The following GRIN2D variants were observed in gnomAD, a reference collection of about 807,000 sequenced individuals.
GRIN2D encodes the protein glutamate receptor ionotropic, NMDA 2D.
In GRIN2D, 37 loss-of-function variants were observed where a neutral mutation model predicts 103.2. That is an observed-to-expected ratio of 0.36 (90% CI 0.28 to 0.47). The LOEUF is 0.47. Ranked by LOEUF, GRIN2D falls within the 20% of genes least tolerant of loss-of-function variation. The pLI is 1.00. For synonymous variants in GRIN2D, 845 were observed against 885.6 expected (o/e 0.95, Z 0.81); for missense variants, 1,557 against 1,910.6 (o/e 0.81, Z 3.45).
At chr19:48,413,661 C>CAA (rs11368422) in intron 4 of GRIN2D, among the ~76,000 whole-genome samples, 986 of 56,608 alleles carry the variant, frequency 0.017, 82 homozygotes, top group African/African-American at 0.042. Flanking sequence ...GACTCTGTCT[C>CAA]AAAAAAAAAA....
At position 48,442,982 on chromosome 19, in the gene GRIN2D, C is replaced by A. The variant is rs929240804; in HGVS notation, c.3056C>A (p.Pro1019His). ...GTACGCGACAAGGAGCCAGCCGAGC[C>A]CCCCGCCGGCGCCTTCCCCGGCTTC... ...AIVRDKEPAE[P>H]PAGAFPGFPS... is the part of the protein sequence containing the mutation. Residue 1019 changes from proline (P) to histidine (H), a missense_variant, in exon 14 of 14, where the codon CCC becomes CAC. Coordinates refer to ENST00000263269, the MANE Select transcript of GRIN2D (RefSeq NM_000836.4). The surrounding 1 kb of genome is among the most constrained non-coding windows in gnomAD (Gnocchi z 7.2). 7 of 1,115,892 alleles carry A rather than the reference C, an allele frequency of 6.3e-6. No homozygotes were observed. In the African/African-American group the frequency reaches 1.0e-4, roughly 16 times the overall value. 69.1% of individuals were successfully genotyped at this position (1,115,892 alleles called of 1,614,324 possible).
chr19:48,442,935 G>A lies in GRIN2D; in HGVS notation c.3009G>A (p.Pro1003=). 1 of 1,139,366 alleles carries A rather than the reference G, an allele frequency of 8.8e-7. No homozygotes were observed. The highest frequency in any genetic ancestry group is 3.9e-5 in the Admixed American group (1 of 25,420). The allele number at this position is 1,139,366 out of a possible 1,614,324, so 70.6% of individuals were successfully genotyped here. A position where few individuals can be genotyped will look rare whatever the true frequency, so the allele number is the denominator to read the frequency against. The change falls in exon 14 of 14, where the codon CCG becomes CCA. Residue 1003 remains proline (P), a synonymous_variant. Transcript: ENST00000263269. The surrounding 1 kb of genome is among the most constrained non-coding windows in gnomAD (Gnocchi z 7.2). ...SPPAAQPPQK[P]PPSYFAIVRD... is the part of the protein sequence containing the mutation. ...CGGCCGCTCAGCCCCCGCAGAAGCCGCCGCCCTCCTATTTCGCCATCGTAC... is the reference window on the plus strand; with the variant it reads ...CGGCCGCTCAGCCCCCGCAGAAGCCACCGCCCTCCTATTTCGCCATCGTAC...
At chr19:48,415,925 G>C in intron 7 of GRIN2D, 77 bp from the exon 8 acceptor site, 3 of 1,369,350 alleles carry the variant, frequency 2.2e-6, no homozygotes, top group Non-Finnish European at 3.1e-6. Context: ...CCCGGGGCCC[G>C]TCTCTGCTCG....
At chr19:48,406,634 G>A (rs1970795033) in intron 4 of GRIN2D, among the ~76,000 whole-genome samples, 3 of 152,170 alleles carry the variant, frequency 2.0e-5, no homozygotes, top group African/African-American at 2.4e-5. Flanking sequence ...CATGCTGGGC[G>A]CTGGGAACAT....
chr19:48,405,619 G>A lies in GRIN2D; in HGVS notation c.1085+266G>A, dbSNP rs1970783038. Among the ~76,000 whole-genome samples, 2 of 152,194 alleles carry A rather than the reference G, an allele frequency of 1.3e-5. No individual in the cohort carries two copies. The highest frequency in any genetic ancestry group is 2.1e-4 in the South Asian group (1 of 4,830). ...ATTTTAATGTCTTTGAAAACGAGAT[G>A]TGTCTTATAATTGATGACTTATCAT... is the stretch of plus-strand genomic sequence containing the variant. On this transcript the variant is annotated intron_variant, in intron 4 of 13. Coordinates refer to ENST00000263269, the MANE Select transcript of GRIN2D (RefSeq NM_000836.4). The surrounding 1 kb of genome is among the most constrained non-coding windows in gnomAD (Gnocchi z 5.1).
At chr19:48,426,542 A>C (rs529001566) in intron 11 of GRIN2D, among the ~76,000 whole-genome samples, 3 of 150,160 alleles carry the variant, frequency 2.0e-5, no homozygotes, top group South Asian at 4.2e-4. Context: ...TCTCTTTTTT[A>C]AACATGTGTA....
intron 2 of GRIN2D, among the ~76,000 whole-genome samples, chr19:48,397,201 G>A (rs1257152827): frequency 6.6e-6 from 1 of 152,112 alleles, no homozygotes; most frequent in Non-Finnish European, 1.5e-5. Flanking sequence ...GGACTAAGGG[G>A]ACAAAATGGG....
intron 4 of GRIN2D, among the ~76,000 whole-genome samples, chr19:48,407,774 A>G (rs922012364): frequency 3.3e-5 from 5 of 152,236 alleles, no homozygotes; most frequent in Admixed American, 1.3e-4. Flanking sequence ...GGAAATATCA[A>G]GCAGGCAATA....
chr19:48,415,930 T>C (rs2147452541), intron 7 of GRIN2D, 72 bp from the exon 8 acceptor site: 1 of 1,417,332 alleles, frequency 7.1e-7, no homozygotes, highest in Admixed American at 1.7e-5. Context: ...GGCCCGTCTC[T>C]GCTCGCCGTC....
chr19:48,432,312 C>T (rs566058275), intron 11 of GRIN2D, among the ~76,000 whole-genome samples: 7 of 151,950 alleles, frequency 4.6e-5, no homozygotes, highest in African/African-American at 1.4e-4. Flanking sequence ...GCCTTGGCTT[C>T]CCAAAATGCT....
At chr19:48,437,811 A>G (rs1971248658) in intron 11 of GRIN2D, among the ~76,000 whole-genome samples, 1 of 152,234 alleles carries the variant, frequency 6.6e-6, no homozygotes, top group Non-Finnish European at 1.5e-5. Flanking sequence ...CAGTTTGCCT[A>G]CAAGGCAGAA....
At chr19:48,439,083 CTT>C (rs1253287091) in intron 11 of GRIN2D, among the ~76,000 whole-genome samples, 1 of 148,202 alleles carries the variant, frequency 6.7e-6, no homozygotes, top group Non-Finnish European at 1.5e-5. Flanking sequence ...CCCAGCCTAA[CTT>C]TTTAAAAAAT....
chr19:48,407,911 C>T (rs1440855852), intron 4 of GRIN2D, among the ~76,000 whole-genome samples: 3 of 152,096 alleles, frequency 2.0e-5, no homozygotes, highest in Non-Finnish European at 4.4e-5. Flanking sequence ...ATGGATAGGC[C>T]GGGCTGTGGC....
chr19:48,421,047 T>C lies in GRIN2D; in HGVS notation c.2092-738T>C, dbSNP rs1225978901. Among the ~76,000 whole-genome samples, 13 of 152,020 alleles carry C rather than the reference T, an allele frequency of 8.6e-5. No individual in the cohort carries two copies. The highest frequency in any genetic ancestry group is 1.5e-5 in the Non-Finnish European group (1 of 67,996). On this transcript the variant is annotated intron_variant, in intron 10 of 13. Transcript: ENST00000263269. This position sits in a 1 kb window ranked among gnomAD's most constrained non-coding sequence, Gnocchi z 4.8. ...CCTATTAGAGGCTTGAGAAATCAGT[T>C]TGATGGGTTGCAATAAGCATTTTTT...
At chr19:48,428,643 G>A (rs991409310) in intron 11 of GRIN2D, among the ~76,000 whole-genome samples, 1 of 152,080 alleles carries the variant, frequency 6.6e-6, no homozygotes, top group East Asian at 1.9e-4. Context: ...GATTACAGGC[G>A]TGAGCCACTG....
rs994308510 is a variant in GRIN2D at position 48,394,294 on chromosome 19, G to A, written c.-305-364G>A. On this transcript the variant is annotated intron_variant, in intron 1 of 13. Transcript: ENST00000263269. This position sits in a 1 kb window ranked among gnomAD's most constrained non-coding sequence, Gnocchi z 5.1. The stretch of plus-strand genomic sequence containing the variant: ...CGTGAGTGTATGTGTGTTTCTGCCT[G>A]TGTTTGAGAGTGGGGGAGTCAAGGG... 1.3e-5 allele frequency among the ~76,000 whole-genome samples: 2 copies of A among 151,594 alleles called. No individual in the cohort carries two copies. Among genetic ancestry groups the A allele is most frequent in the African/African-American group, 4.9e-5 (2 of 41,128 alleles).
At position 48,441,893 on chromosome 19, in the gene GRIN2D, C is replaced by T. The variant is rs1256956267; in HGVS notation, c.2377C>T (p.Leu793=). Residue 793 remains leucine (L), a synonymous_variant, in exon 12 of 14, where the codon CTG becomes TTG. Coordinates refer to ENST00000263269, the MANE Select transcript of GRIN2D (RefSeq NM_000836.4). Reference sequence around the variant, plus strand: ...CGCCACGACAGGCTATGGCATCGCCCTGCACAAGGGCTCCCGCTGGAAGCG... The same window carrying T: ...CGCCACGACAGGCTATGGCATCGCCTTGCACAAGGGCTCCCGCTGGAAGCG... The part of the protein sequence containing the change: ...VFATTGYGIA[L]HKGSRWKRPI... The T allele has an allele frequency of 1.2e-6, 2 of 1,613,174 alleles. No homozygotes were observed. The highest frequency in any genetic ancestry group is 2.2e-5 in the South Asian group (2 of 91,090).
At chr19:48,408,132 A>G (rs1970813570) in intron 4 of GRIN2D, among the ~76,000 whole-genome samples, 1 of 151,898 alleles carries the variant, frequency 6.6e-6, no homozygotes, top group African/African-American at 2.4e-5. Flanking sequence ...CAGGAGATCG[A>G]GACCATCCTG....
intron 11 of GRIN2D, among the ~76,000 whole-genome samples, chr19:48,435,443 C>G (rs1027545462): frequency 9.9e-5 from 15 of 152,102 alleles, no homozygotes; most frequent in African/African-American, 3.6e-4. Context: ...GCGTGTGCCA[C>G]CACACCTGAC....
Sources: gnomAD v4.1 joint callset for allele counts (sites outside exome capture counted in the v4.1 genomes callset) on GRCh38, gnomAD v4.1.1 for gene constraint, Gnocchi (gnomAD v3.1) non-coding constraint, MANE v1.5 for transcripts, NCBI Gene and HGNC (gene_info 2026-07-23, HGNC 2026-07-21) for gene names.